Variants in LRRC4B observed in about 807,000 individuals in gnomAD.
LRRC4B encodes the protein leucine rich repeat containing 4B, also known as leucine-rich repeat-containing protein 4B.
Under a neutral mutation model 7.3 loss-of-function variants are expected in LRRC4B, and 1 was observed. That is an observed-to-expected ratio of 0.14 (90% CI 0.05 to 0.65). LRRC4B has a LOEUF of 0.65. Ranked by LOEUF, LRRC4B falls within the 30% of genes least tolerant of loss-of-function variation. The pLI is 0.84. For synonymous variants in LRRC4B, 500 were observed against 499.2 expected (o/e 1.00, Z -0.02); for missense variants, 730 against 1,041.6 (o/e 0.70, Z 4.12).
At chr19:50,562,060 G>C (rs1015179333) in intron 1 of LRRC4B, among the ~76,000 whole-genome samples, 2 of 151,248 alleles carry the variant, frequency 1.3e-5, no homozygotes, top group East Asian at 3.9e-4. Context: ...AGAGGTTGCA[G>C]TGAGCCGAGA....
intron 2 of LRRC4B, among the ~76,000 whole-genome samples, chr19:50,522,537 C>T (rs956456652): frequency 4.6e-5 from 7 of 151,972 alleles, no homozygotes; most frequent in African/African-American, 1.5e-4. Context: ...AGTGCAGAGG[C>T]GTGATCTCGG....
rs188757529 is a variant in LRRC4B at position 50,556,161 on chromosome 19, G to A, written c.-35-7288C>T. Among the ~76,000 whole-genome samples the A allele has an allele frequency of 6.6e-6, 1 of 152,288 alleles. No homozygotes were observed. The highest frequency in any genetic ancestry group is 6.5e-5 in the Admixed American group (1 of 15,298). On this transcript the variant is annotated intron_variant, in intron 1 of 2. Transcript: ENST00000652263. The surrounding 1 kb of genome is among the most constrained non-coding windows in gnomAD (Gnocchi z 4.2). The stretch of plus-strand genomic sequence containing the variant: ...CAGGCCCCCTAGGAGCTGCTGATGA[G>A]GAAGCAGGACTAGGGGCTTGGCTCA...
At chr19:50,542,236 G>C (rs1981580499) in intron 2 of LRRC4B, among the ~76,000 whole-genome samples, 1 of 152,190 alleles carries the variant, frequency 6.6e-6, no homozygotes, top group Non-Finnish European at 1.5e-5. Context: ...TGAGGAGCGA[G>C]GAGTGGACAG....
At chr19:50,562,294 T>C (rs1982493673) in intron 1 of LRRC4B, among the ~76,000 whole-genome samples, 1 of 151,972 alleles carries the variant, frequency 6.6e-6, no homozygotes, top group South Asian at 2.1e-4. Flanking sequence ...AGGTGTACTA[T>C]TTTGGGCAAG....
intron 2 of LRRC4B, among the ~76,000 whole-genome samples, chr19:50,533,676 G>C (rs747821604): frequency 2.0e-5 from 3 of 152,188 alleles, no homozygotes; most frequent in African/African-American, 4.8e-5. Context: ...AAGGTAAAAG[G>C]GGGGGAATCA....
intron 1 of LRRC4B, among the ~76,000 whole-genome samples, chr19:50,551,233 C>A (rs1034941828): frequency 1.1e-4 from 16 of 151,964 alleles, no homozygotes; most frequent in Middle Eastern, 3.4e-3. Flanking sequence ...GCGCCCAGGC[C>A]CCCCCCTCCA....
In LRRC4B at chr19:50,552,124, T is replaced by C. The variant is rs1982093407; in HGVS notation, c.-35-3251A>G. Among the ~76,000 whole-genome samples, 3 of 152,076 alleles carry C rather than the reference T, an allele frequency of 2.0e-5. No homozygotes were observed. The South Asian group carries it at 6.2e-4, about 32-fold the overall frequency. The stretch of plus-strand genomic sequence containing the variant: ...TGGGCCGTGCCAAGCCGGAGCCTCA[T>C]GGCACACAGACAGCCTCGTTGGCTG... On this transcript the variant is annotated intron_variant, in intron 1 of 2. Coordinates refer to ENST00000652263, the MANE Select transcript of LRRC4B (RefSeq NM_001080457.2).
intron 2 of LRRC4B, among the ~76,000 whole-genome samples, chr19:50,540,709 G>A (rs1981501667): frequency 6.6e-6 from 1 of 151,574 alleles, no homozygotes; most frequent in South Asian, 2.1e-4. Context: ...GCAGGCGAGG[G>A]ATTTCGTTTA....
chr19:50,522,742 T>C lies in LRRC4B; in HGVS notation c.298-3327A>G, dbSNP rs544550226. Among the ~76,000 whole-genome samples the C allele has an allele frequency of 6.1e-4, 93 of 152,342 alleles. 1 individual carries two copies. Among genetic ancestry groups the C allele is most frequent in the African/African-American group, 2.1e-3 (89 of 41,580 alleles). On this transcript the variant is annotated intron_variant, in intron 2 of 2. Coordinates refer to ENST00000652263, the MANE Select transcript of LRRC4B (RefSeq NM_001080457.2). The stretch of plus-strand genomic sequence containing the variant: ...ATCCACCCGCCTTGGCCTTCCAAAG[T>C]GCTGGGATTACCGGCGTGAGCCACC...
chr19:50,522,169 T>A (rs1980609878), intron 2 of LRRC4B, among the ~76,000 whole-genome samples: 1 of 151,900 alleles, frequency 6.6e-6, no homozygotes. Context: ...CAGAGGGAGA[T>A]CCCGTCCCCA....
Position 50,517,882 on chromosome 19 carries a change from G to T in LRRC4B, c.1831C>A (p.Pro611Thr), listed in dbSNP as rs1218883111. The T allele has an allele frequency of 6.3e-7, 1 of 1,595,418 alleles. No homozygotes were observed. Among genetic ancestry groups the T allele is most frequent in the South Asian group, 1.1e-5 (1 of 88,644 alleles). Residue 611 changes from proline (P) to threonine (T), a missense_variant, in exon 3 of 3, where the codon CCC (proline) becomes ACC (threonine). Coordinates refer to ENST00000652263, the MANE Select transcript of LRRC4B (RefSeq NM_001080457.2). This position sits in a 1 kb window ranked among gnomAD's most constrained non-coding sequence, Gnocchi z 6.6. The part of the protein sequence containing the change: ...KQHQLHKHHG[P>T]TRTVEIINVE... ...TTGATGATCTCCACGGTGCGCGTGG[G>T]CCCGTGGTGCTTGTGGAGCTGGTGC... is the stretch of plus-strand genomic sequence containing the variant.
At chr19:50,540,715 G>A (rs868308577) in intron 2 of LRRC4B, among the ~76,000 whole-genome samples, 2 of 151,366 alleles carry the variant, frequency 1.3e-5, no homozygotes, top group Admixed American at 6.6e-5. Flanking sequence ...GAGGGATTTC[G>A]TTTACTTGCT....
At chr19:50,523,779 G>A (rs527912379) in intron 2 of LRRC4B, among the ~76,000 whole-genome samples, 11 of 152,124 alleles carry the variant, frequency 7.2e-5, no homozygotes, top group Admixed American at 2.0e-4. Context: ...CCAACATGGC[G>A]AAACCCCATC....
intron 1 of LRRC4B, among the ~76,000 whole-genome samples, chr19:50,565,744 C>G (rs528957860): frequency 3.3e-5 from 5 of 151,848 alleles, no homozygotes; most frequent in African/African-American, 9.7e-5. Flanking sequence ...CCCCGCGGGT[C>G]TGTCCCACCC....
Position 50,517,332 on chromosome 19 carries a change from C to A in LRRC4B, c.*239G>T, listed in dbSNP as rs928237149. 45 of 369,688 alleles carry A rather than the reference C, an allele frequency of 1.2e-4. No individual in the cohort carries two copies. The highest frequency in any genetic ancestry group is 6.5e-4 in the African/African-American group (31 of 47,968). 22.9% of individuals were successfully genotyped at this position (369,688 alleles called of 1,614,324 possible). A position where few individuals can be genotyped will look rare whatever the true frequency, so the allele number is the denominator to read the frequency against. On this transcript the variant is annotated 3_prime_UTR_variant, in exon 3 of 3. Coordinates refer to ENST00000652263, the MANE Select transcript of LRRC4B (RefSeq NM_001080457.2). This position sits in a 1 kb window ranked among gnomAD's most constrained non-coding sequence, Gnocchi z 6.6. ...TTCTCCTGGGTCCCACGTCCCCTCCCGTCACCGGGGATTGGCGGGGGTGAG... is the reference window on the plus strand; with the variant it reads ...TTCTCCTGGGTCCCACGTCCCCTCCAGTCACCGGGGATTGGCGGGGGTGAG...
chr19:50,543,157 T>C (rs1981628224), intron 2 of LRRC4B, among the ~76,000 whole-genome samples: 1 of 152,094 alleles, frequency 6.6e-6, no homozygotes, highest in South Asian at 2.1e-4. Context: ...GCACCTCCTG[T>C]GTGCCAGGCT....
chr19:50,559,013 T>A (rs1256011003), intron 1 of LRRC4B, among the ~76,000 whole-genome samples: 2 of 152,152 alleles, frequency 1.3e-5, no homozygotes, highest in Non-Finnish European at 2.9e-5. Context: ...AAGGGGCCCA[T>A]GGCGAGAGCT....
chr19:50,560,283 G>A lies in LRRC4B; in HGVS notation c.-36+7661C>T, dbSNP rs1457212804. On this transcript the variant is annotated intron_variant, in intron 1 of 2. Transcript: ENST00000652263. ...CCATCTCACTCCTATATTCCATTTCGGGATGAAGAATGAAGCCCCCTCCTC... is the reference window on the plus strand; with the variant it reads ...CCATCTCACTCCTATATTCCATTTCAGGATGAAGAATGAAGCCCCCTCCTC... Among the ~76,000 whole-genome samples, 15 of 152,166 alleles carry A rather than the reference G, an allele frequency of 9.9e-5. No individual in the cohort carries two copies. In the East Asian group the frequency reaches 2.5e-3, roughly 25 times the overall value.
At chr19:50,535,058 C>T (rs562396453) in intron 2 of LRRC4B, among the ~76,000 whole-genome samples, 77 of 151,818 alleles carry the variant, frequency 5.1e-4, no homozygotes, top group South Asian at 1.5e-3. Flanking sequence ...TTAGTAGAGA[C>T]AGGGTTTCAC....
Sources: gnomAD v4.1 joint callset for allele counts (sites outside exome capture counted in the v4.1 genomes callset) on GRCh38, gnomAD v4.1.1 for gene constraint, Gnocchi (gnomAD v3.1) non-coding constraint, MANE v1.5 for transcripts, NCBI Gene and HGNC (gene_info 2026-07-23, HGNC 2026-07-21) for gene names.